IGSF10: variants seen among roughly 807,000 people sequenced by gnomAD.
IGSF10 encodes the protein immunoglobulin superfamily member 10, also known as calvaria mechanical force protein 608.
Under a neutral mutation model 128.2 loss-of-function variants are expected in IGSF10, and 126 were observed. The observed-to-expected ratio is 0.98, with a 90% CI of 0.85 to 1.14. The LOEUF (loss-of-function observed/expected upper bound fraction) is 1.14. Among genes scored for constraint, IGSF10 ranks in the 50% most tolerant of loss-of-function variants. The pLI is 0.00. For missense variants in IGSF10, 3,295 were observed against 3,149.8 expected (o/e 1.05, Z -1.10); for synonymous variants, 1,185 against 1,146.2 (o/e 1.03, Z -0.68).
At chr3:151,475,575 C>CA in the IGSF10 span, among the ~76,000 whole-genome samples, 1 of 152,148 alleles carries the variant, frequency 6.6e-6, no homozygotes, top group Non-Finnish European at 1.5e-5. Context: ...AAACTGTGTT[C>CA]AAGTAAGGCA....
At position 151,437,687 on chromosome 3, in the gene IGSF10, C is replaced by T. The variant is rs1431590721; in HGVS notation, c.6874G>A (p.Val2292Ile). The T allele has an allele frequency of 6.2e-7, 1 of 1,614,152 alleles. No homozygotes were observed. The highest frequency in any genetic ancestry group is 2.2e-5 in the East Asian group (1 of 44,886). ...TAPYYGSRIT[V>I]HKNGTLEIRN... ...ATTTCCAAGGTTCCATTTTTATGGA[C>T]TGTGATTCTGCTTCCATAGTATGGG... Residue 2292 changes from valine (V) to isoleucine (I), a missense_variant, in exon 8 of 8, where the codon GTC becomes ATC. Val to Ile is a conservative substitution (Grantham distance 29, BLOSUM62 3). Coordinates refer to ENST00000282466, the MANE Select transcript of IGSF10 (RefSeq NM_178822.5).
In IGSF10 at chr3:151,448,873, G is replaced by C; in HGVS notation, c.1108C>G (p.His370Asp). 6.2e-7 allele frequency: 1 copy of C among 1,614,176 alleles called. No individual in the cohort carries two copies. Among genetic ancestry groups the C allele is most frequent in the Non-Finnish European group, 8.5e-7 (1 of 1,180,024 alleles). ...AAAATTTGCCACACTGGCTGAATGTGACCGTAATCTATGTTGCACACCAAA... is the reference window on the plus strand; with the variant it reads ...AAAATTTGCCACACTGGCTGAATGTCACCGTAATCTATGTTGCACACCAAA... ...TFLVCNIDYG[H>D]IQPVWQILAL... Residue 370 changes from histidine to aspartate, a missense_variant, in exon 6 of 8, where the codon CAC (histidine) becomes GAC (aspartate). Physicochemically the swap from His to Asp is moderately conservative, Grantham distance 81. Coordinates refer to ENST00000282466, the MANE Select transcript of IGSF10 (RefSeq NM_178822.5).
chr3:151,452,262 T>G (rs1207346778), intron 5 of IGSF10, among the ~76,000 whole-genome samples: 1 of 152,224 alleles, frequency 6.6e-6, no homozygotes. Context: ...TTAGGCAATT[T>G]TGTTGTGCAA....
At chr3:151,515,386 G>A in the IGSF10 span, among the ~76,000 whole-genome samples, 25 of 144,008 alleles carry the variant, frequency 1.7e-4, no homozygotes, top group African/African-American at 4.4e-4. Flanking sequence ...ACCAAACACC[G>A]CATATTCTCA....
the IGSF10 span, among the ~76,000 whole-genome samples, chr3:151,541,214 T>G: frequency 6.6e-6 from 1 of 152,236 alleles, no homozygotes; most frequent in Admixed American, 6.5e-5. Context: ...AGTCATGTTT[T>G]TGACTGTCCA....
the IGSF10 span, among the ~76,000 whole-genome samples, chr3:151,601,300 G>A: frequency 0.29 from 44,012 of 151,998 alleles, 6,628 homozygotes; most frequent in African/African-American, 0.35. Flanking sequence ...GTGCTAGTCC[G>A]AAAATGATTA....
At chr3:151,569,849 C>T in the IGSF10 span, among the ~76,000 whole-genome samples, 642 of 152,212 alleles carry the variant, frequency 4.2e-3, 2 homozygotes, top group Non-Finnish European at 6.9e-3. Context: ...TCATCATTTA[C>T]ATTAGGTATT....
chr3:151,509,823 A>C, the IGSF10 span, among the ~76,000 whole-genome samples: 12 of 152,172 alleles, frequency 7.9e-5, no homozygotes, highest in African/African-American at 2.9e-4. Context: ...ACACCAGGAG[A>C]TTATATCCTG....
At chr3:151,502,863 C>T in the IGSF10 span, among the ~76,000 whole-genome samples, 1,512 of 152,130 alleles carry the variant, frequency 9.9e-3, 13 homozygotes, top group Middle Eastern at 0.031. Flanking sequence ...CAGAAAGGTG[C>T]TTTCGTCTTG....
At chr3:151,453,156 G>C (rs1404066291) in intron 5 of IGSF10, among the ~76,000 whole-genome samples, 1 of 152,170 alleles carries the variant, frequency 6.6e-6, no homozygotes, top group Non-Finnish European at 1.5e-5. Context: ...TAAAGAGCCA[G>C]ATAGTAAGGA....
chr3:151,497,477 G>A, the IGSF10 span, among the ~76,000 whole-genome samples: 1 of 152,184 alleles, frequency 6.6e-6, no homozygotes, highest in Non-Finnish European at 1.5e-5. Context: ...TCACAGATCA[G>A]ATAGTTGTAG....
At chr3:151,563,835 T>C in the IGSF10 span, among the ~76,000 whole-genome samples, 1 of 152,210 alleles carries the variant, frequency 6.6e-6, no homozygotes, top group Non-Finnish European at 1.5e-5. Flanking sequence ...CTGTTTTAAA[T>C]GCTTTATAAT....
At chr3:151,488,022 A>G in the IGSF10 span, among the ~76,000 whole-genome samples, 12 of 152,276 alleles carry the variant, frequency 7.9e-5, no homozygotes, top group South Asian at 2.1e-3. Context: ...TCAGTTAGGA[A>G]AAGAGGAAGT....
upstream of IGSF10, among the ~76,000 whole-genome samples, chr3:151,465,981 T>C (rs1278611658): frequency 6.6e-6 from 1 of 152,230 alleles, no homozygotes; most frequent in Non-Finnish European, 1.5e-5. Context: ...CTGTAACCAA[T>C]CCAGCTGTTT....
the IGSF10 span, among the ~76,000 whole-genome samples, chr3:151,617,863 G>C: frequency 6.6e-6 from 1 of 152,176 alleles, no homozygotes. Flanking sequence ...TATCATGGGA[G>C]AGGGTTAGTT....
the IGSF10 span, among the ~76,000 whole-genome samples, chr3:151,561,883 A>C: frequency 1.3e-5 from 2 of 152,150 alleles, no homozygotes; most frequent in African/African-American, 4.8e-5. Flanking sequence ...TTCTTATTTA[A>C]ATTACACAAA....
the IGSF10 span, among the ~76,000 whole-genome samples, chr3:151,477,968 A>T: frequency 6.6e-6 from 1 of 152,244 alleles, no homozygotes; most frequent in African/African-American, 2.4e-5. Flanking sequence ...GTATCACAAA[A>T]TATTATTCTT....
intron 3 of IGSF10, among the ~76,000 whole-genome samples, chr3:151,457,362 C>A (rs1221237499): frequency 1.3e-5 from 2 of 151,356 alleles, no homozygotes; most frequent in African/African-American, 4.8e-5. Context: ...GTTACAATCA[C>A]CCCCCTCATA....
chr3:151,468,443 T>TG, the IGSF10 span, among the ~76,000 whole-genome samples: 1 of 152,322 alleles, frequency 6.6e-6, no homozygotes, highest in Admixed American at 6.5e-5. Flanking sequence ...ACCGCTTTTA[T>TG]GTAAGAGGTC....
Sources: gnomAD v4.1 joint callset for allele counts (sites outside exome capture counted in the v4.1 genomes callset) on GRCh38, gnomAD v4.1.1 for gene constraint, MANE v1.5 for transcripts, NCBI Gene and HGNC (gene_info 2026-07-23, HGNC 2026-07-21) for gene names.